Variants in ANTXR1 observed in about 807,000 individuals in gnomAD.
ANTXR1 encodes the protein anthrax toxin receptor 1.
A neutral mutation model predicts 78.1 loss-of-function variants in ANTXR1; 19 were observed. The observed-to-expected ratio is 0.24, with a 90% CI of 0.17 to 0.36. The LOEUF (loss-of-function observed/expected upper bound fraction) is 0.36. Among genes scored for constraint, ANTXR1 ranks in the 10% least tolerant of loss-of-function variants. ANTXR1 has a pLI of 1.00. For synonymous variants in ANTXR1, 273 were observed against 260.5 expected, an observed-to-expected ratio of 1.05 and a Z score of -0.46; for missense variants, 518 against 718.6, an observed-to-expected ratio of 0.72 and a Z score of 3.19.
At chr2:69,111,793 G>A (rs1267269325) in intron 10 of ANTXR1, among the ~76,000 whole-genome samples, 1 of 152,230 alleles carries the variant, frequency 6.6e-6, no homozygotes, top group Admixed American at 6.5e-5. Context: ...TCCAGAGGGT[G>A]TTGTTTTCAA....
chr2:69,145,808 T>C (rs973120510), intron 12 of ANTXR1: 110 of 989,810 alleles, frequency 1.1e-4, no homozygotes, highest in Non-Finnish European at 1.3e-4. Flanking sequence ...AGAGGCCTGG[T>C]TCTCTCCCAT....
chr2:69,021,322 A>T (rs1171210135), intron 1 of ANTXR1, among the ~76,000 whole-genome samples: 5 of 152,234 alleles, frequency 3.3e-5, no homozygotes, highest in Admixed American at 6.5e-5. Context: ...GTTAAAAAGA[A>T]TCTAAATATG....
At chr2:69,186,366 G>C (rs923904088) in intron 16 of ANTXR1, among the ~76,000 whole-genome samples, 3 of 152,202 alleles carry the variant, frequency 2.0e-5, no homozygotes, top group Non-Finnish European at 2.9e-5. Flanking sequence ...CATGATGTTC[G>C]ATCCACAATG....
intron 9 of ANTXR1, among the ~76,000 whole-genome samples, chr2:69,101,045 GTCATTC>G (rs1454118266): frequency 3.3e-5 from 5 of 152,172 alleles, no homozygotes; most frequent in African/African-American, 1.2e-4. Context: ...CTCTGAGCAA[GTCATTC>G]AAAATGTCAC....
intron 12 of ANTXR1, among the ~76,000 whole-genome samples, chr2:69,149,020 T>C (rs1358467398): frequency 6.6e-6 from 1 of 152,244 alleles, no homozygotes; most frequent in East Asian, 1.9e-4. Flanking sequence ...TTCTAAAACA[T>C]CAGCTTTAGC....
intron 17 of ANTXR1, among the ~76,000 whole-genome samples, chr2:69,208,017 A>C (rs1166664125): frequency 4.6e-5 from 7 of 152,234 alleles, no homozygotes; most frequent in African/African-American, 7.2e-5. Context: ...ACAGTGTAGA[A>C]AACCAATTAG....
At chr2:69,170,849 A>C (rs1297103677) in intron 14 of ANTXR1, among the ~76,000 whole-genome samples, 1 of 152,188 alleles carries the variant, frequency 6.6e-6, no homozygotes, top group Non-Finnish European at 1.5e-5. Flanking sequence ...CATCTAAAGA[A>C]AAAAATTCTT....
chr2:69,080,895 C>G (rs150427563), intron 8 of ANTXR1, among the ~76,000 whole-genome samples: 1,598 of 152,176 alleles, frequency 0.011, 30 homozygotes, highest in African/African-American at 0.037. Flanking sequence ...TGAAGAAAGG[C>G]AGAAGATGAC....
rs1394987572 is a variant in ANTXR1, at chr2:69,247,607, G to A, written c.*2122G>A. The A allele has an allele frequency of 6.6e-6, 1 of 152,670 alleles. No homozygotes were observed. The highest frequency in any genetic ancestry group is 1.5e-5 in the Non-Finnish European group (1 of 68,070). 9.5% of individuals were successfully genotyped at this position (152,670 alleles called of 1,614,324 possible). A position where few individuals can be genotyped will look rare whatever the true frequency, so the allele number is the denominator to read the frequency against. ...CATAAGCAGGGGCCAGAATATCTCA[G>A]CCACCTGCAGTGACATTGCTGGACC... is the stretch of plus-strand genomic sequence containing the variant. On this transcript the variant is annotated 3_prime_UTR_variant, in exon 18 of 18. Coordinates refer to ENST00000303714, the MANE Select transcript of ANTXR1 (RefSeq NM_032208.3).
intron 6 of ANTXR1, among the ~76,000 whole-genome samples, chr2:69,073,891 C>G (rs998369456): frequency 1.3e-5 from 2 of 152,202 alleles, no homozygotes; most frequent in East Asian, 3.8e-4. Context: ...GAAACAACAT[C>G]CCAGAGATGC....
At chr2:69,119,690 TG>T (rs147032263) in intron 10 of ANTXR1, among the ~76,000 whole-genome samples, 20,139 of 152,222 alleles carry the variant, frequency 0.13, 1,444 homozygotes, top group Admixed American at 0.15. Context: ...CTCACGAGGT[TG>T]TCATTACAAG....
chr2:69,038,474 A>G (rs558639969), intron 1 of ANTXR1, among the ~76,000 whole-genome samples: 2 of 152,338 alleles, frequency 1.3e-5, no homozygotes, highest in Admixed American at 1.3e-4. Context: ...CCCTTTTTAC[A>G]GTGCCTATTA....
intron 6 of ANTXR1, 50 bp from the exon 7 acceptor site, chr2:69,075,540 T>A (rs752321957): frequency 6.3e-7 from 1 of 1,575,828 alleles, no homozygotes; most frequent in Admixed American, 1.7e-5. Flanking sequence ...CCAAGAGGAG[T>A]TCATTTGTCA....
intron 17 of ANTXR1, among the ~76,000 whole-genome samples, chr2:69,225,614 C>T (rs1472411407): frequency 1.3e-5 from 2 of 152,044 alleles, no homozygotes; most frequent in Non-Finnish European, 2.9e-5. Context: ...CAGCTCGCTA[C>T]CAGAGGCACT....
At chr2:69,186,469 C>T (rs575488821) in intron 16 of ANTXR1, among the ~76,000 whole-genome samples, 98 of 152,334 alleles carry the variant, frequency 6.4e-4, no homozygotes, top group Non-Finnish European at 1.1e-3. Flanking sequence ...GCTTCCCTTT[C>T]CCGAACTCAC....
In ANTXR1 at chr2:69,193,457, T is replaced by TCACACACACA. The variant is rs763774448; in HGVS notation, c.1434+43_1434+44insACACACACAC. The TCACACACACA allele has an allele frequency of 1.8e-5, 21 of 1,164,436 alleles. No homozygotes were observed. In the African/African-American group the frequency reaches 3.9e-4, roughly 22 times the overall value. The allele number at this position is 1,164,436 out of a possible 1,614,324, so 72.1% of individuals were successfully genotyped here. A position where few individuals can be genotyped will look rare whatever the true frequency, so the allele number is the denominator to read the frequency against. On this transcript the variant is annotated intron_variant, in intron 17 of 17. Transcript: ENST00000303714. ...CATTAATGGTGTCTCTCTCTCTCTC[T>TCACACACACA]CTCACATACACACACACACACACAC...
intron 11 of ANTXR1, 31 bp downstream of exon 11, chr2:69,123,117 G>C: frequency 1.2e-6 from 2 of 1,609,664 alleles, no homozygotes. Flanking sequence ...GAACCTCCCA[G>C]CCAGGGAAGA....
At chr2:69,177,771 C>A (rs1210317775) in intron 14 of ANTXR1, among the ~76,000 whole-genome samples, 1 of 152,134 alleles carries the variant, frequency 6.6e-6, no homozygotes, top group East Asian at 1.9e-4. Context: ...TAGTGCAGCC[C>A]ACAACCCCTG....
chr2:69,044,826 C>T lies in ANTXR1; in HGVS notation c.296+13C>T, dbSNP rs1238970411. The T allele has an allele frequency of 3.2e-5, 51 of 1,612,798 alleles. No individual in the cohort carries two copies. The highest frequency in any genetic ancestry group is 4.0e-5 in the Non-Finnish European group (47 of 1,179,012). ...TGACAGAAGACAGGTAAGGATACTT[C>T]TTATCTCTGTTGTTAAAAAGTCCAT... is the stretch of plus-strand genomic sequence containing the variant. On this transcript the variant is annotated intron_variant, in intron 3 of 17. Transcript: ENST00000303714.
Sources: gnomAD v4.1 joint callset for allele counts (sites outside exome capture counted in the v4.1 genomes callset) on GRCh38, gnomAD v4.1.1 for gene constraint, MANE v1.5 for transcripts, NCBI Gene and HGNC (gene_info 2026-07-23, HGNC 2026-07-21) for gene names.